The following CRTAC1 variants were observed in gnomAD, a reference collection of about 807,000 sequenced individuals.
The protein encoded by CRTAC1 is cartilage acidic protein 1.
In CRTAC1, 37 loss-of-function variants were observed where a neutral mutation model predicts 67.8. That is an observed-to-expected ratio of 0.55 (90% CI 0.42 to 0.72). The LOEUF is 0.72. CRTAC1 is among the 30% of genes least tolerant of loss of function. The pLI, the probability that CRTAC1 is intolerant of heterozygous loss-of-function variation, is 0.00. For synonymous variants in CRTAC1, 348 were observed against 371.0 expected (o/e 0.94, Z 0.71); for missense variants, 780 against 931.6 (o/e 0.84, Z 2.12).
intron 1 of CRTAC1, among the ~76,000 whole-genome samples, chr10:98,026,841 A>G (rs1273944619): frequency 6.6e-6 from 1 of 152,228 alleles, no homozygotes; most frequent in Non-Finnish European, 1.5e-5. Flanking sequence ...AAGGAGAACC[A>G]GGAGGAAGTC....
intron 5 of CRTAC1, among the ~76,000 whole-genome samples, chr10:97,908,986 G>A (rs1022677421): frequency 7.9e-5 from 12 of 152,198 alleles, no homozygotes; most frequent in African/African-American, 2.2e-4. Flanking sequence ...AAAGAGAAAC[G>A]ATAGTTGGCC....
In CRTAC1 at chr10:97,975,339, G is replaced by A. The variant is rs893045610; in HGVS notation, c.224+35799C>T. Among the ~76,000 whole-genome samples, 1 of 151,986 alleles carries A rather than the reference G, an allele frequency of 6.6e-6. No homozygotes were observed. Among genetic ancestry groups the A allele is most frequent in the African/African-American group, 2.4e-5 (1 of 41,390 alleles). On this transcript the variant is annotated intron_variant, in intron 2 of 14. Transcript: ENST00000370597. The surrounding 1 kb of genome is among the most constrained non-coding windows in gnomAD (Gnocchi z 4.8). ...AGGCGCCAGGGCCGGTTCCTGACCCGCCTCCTGGCTGGAGGGTTCAAAAGA... is the reference window on the plus strand; with the variant it reads ...AGGCGCCAGGGCCGGTTCCTGACCCACCTCCTGGCTGGAGGGTTCAAAAGA...
At chr10:97,881,628 G>A (rs1033417026) in intron 13 of CRTAC1, among the ~76,000 whole-genome samples, 1 of 151,804 alleles carries the variant, frequency 6.6e-6, no homozygotes, top group Non-Finnish European at 1.5e-5. Context: ...AGAGGAGGCT[G>A]ATCTCAAAGG....
At chr10:97,874,435 C>T (rs2050124194) in intron 14 of CRTAC1, among the ~76,000 whole-genome samples, 1 of 152,200 alleles carries the variant, frequency 6.6e-6, no homozygotes, top group Admixed American at 6.5e-5. Context: ...GAACATAGCA[C>T]AGCCCAGGCC....
At chr10:97,971,236 C>T (rs1322900094) in intron 2 of CRTAC1, among the ~76,000 whole-genome samples, 1 of 152,090 alleles carries the variant, frequency 6.6e-6, no homozygotes, top group African/African-American at 2.4e-5. Flanking sequence ...CTAGAGAGCT[C>T]AAGATTCAGA....
chr10:97,941,481 G>A (rs1242467409), intron 2 of CRTAC1, among the ~76,000 whole-genome samples: 3 of 151,962 alleles, frequency 2.0e-5, no homozygotes, highest in Non-Finnish European at 2.9e-5. Flanking sequence ...TCTCTGACTG[G>A]CTACCTGACA....
intron 5 of CRTAC1, among the ~76,000 whole-genome samples, chr10:97,912,069 C>A (rs933277882): frequency 2.6e-5 from 4 of 152,028 alleles, no homozygotes; most frequent in Non-Finnish European, 4.4e-5. Context: ...CATCACTGAA[C>A]CTTCCTGGGC....
At chr10:97,904,609 C>T (rs2050584089) in intron 7 of CRTAC1, 60 bp downstream of exon 7, 1 of 1,454,824 alleles carries the variant, frequency 6.9e-7, no homozygotes, top group Non-Finnish European at 9.1e-7. Flanking sequence ...TTAGTAGAGA[C>T]AGGGTTTTGC....
chr10:97,971,812 T>TA, intron 2 of CRTAC1, among the ~76,000 whole-genome samples: 1 of 152,320 alleles, frequency 6.6e-6, no homozygotes, highest in East Asian at 1.9e-4. Flanking sequence ...TATTACACCA[T>TA]ATCAATGTTT....
chr10:97,870,942 G>C (rs1353672751), intron 14 of CRTAC1: 2 of 152,282 alleles, frequency 1.3e-5, no homozygotes, highest in Non-Finnish European at 2.9e-5. Flanking sequence ...ATTCTCAAAG[G>C]GGTATGCAAC....
chr10:97,933,848 C>T (rs2051040679), intron 3 of CRTAC1, among the ~76,000 whole-genome samples: 1 of 152,216 alleles, frequency 6.6e-6, no homozygotes. Flanking sequence ...CAGGAATCGC[C>T]TGGAGGTCTT....
rs774242787 is a variant in CRTAC1 at position 97,865,755 on chromosome 10, C to A, written c.1820-41G>T. 2.7e-6 allele frequency: 4 copies of A among 1,467,756 alleles called. No individual in the cohort carries two copies. The Admixed American group carries it at 7.9e-5, about 29-fold the overall frequency. 90.9% of individuals were successfully genotyped at this position (1,467,756 alleles called of 1,614,324 possible). ...TGGCCGGAGTGAGGGCCTTGCAGAC[C>A]TGCGGCGGCTGCGCTACCAGAGCAC... On this transcript the variant is annotated intron_variant, in intron 14 of 14. Transcript: ENST00000370597.
At chr10:97,912,120 T>C (rs2050695391) in intron 5 of CRTAC1, among the ~76,000 whole-genome samples, 1 of 152,062 alleles carries the variant, frequency 6.6e-6, no homozygotes, top group Non-Finnish European at 1.5e-5. Flanking sequence ...ATAATAATAA[T>C]GGCTCCTTCT....
At chr10:98,005,098 A>ATTT (rs1347220699) in intron 2 of CRTAC1, among the ~76,000 whole-genome samples, 18 of 38,186 alleles carry the variant, frequency 4.7e-4, no homozygotes, top group South Asian at 9.5e-4. Flanking sequence ...ATATATATAT[A>ATTT]TATTTTTTTT....
intron 2 of CRTAC1, among the ~76,000 whole-genome samples, chr10:98,002,983 C>T (rs1483427485): frequency 3.3e-5 from 5 of 151,036 alleles, no homozygotes; most frequent in African/African-American, 1.2e-4. Flanking sequence ...CGGGGTTTCA[C>T]CATGTTAGCC....
rs550863764 is a variant in CRTAC1, at chr10:98,005,262, G to A, written c.224+5876C>T. Among the ~76,000 whole-genome samples, 7 of 150,480 alleles carry A rather than the reference G, an allele frequency of 4.7e-5. No individual in the cohort carries two copies. In the East Asian group the frequency reaches 1.4e-3, roughly 29 times the overall value. ...TGGGATTATAGGCACGTGCCACCACGCCTGGCTAATTTTTGTATTTTTAGT... is the reference window on the plus strand; with the variant it reads ...TGGGATTATAGGCACGTGCCACCACACCTGGCTAATTTTTGTATTTTTAGT... On this transcript the variant is annotated intron_variant, in intron 2 of 14. Transcript: ENST00000370597.
intron 11 of CRTAC1, among the ~76,000 whole-genome samples, chr10:97,892,506 C>G (rs920265597): frequency 2.6e-5 from 4 of 152,204 alleles, no homozygotes; most frequent in Non-Finnish European, 4.4e-5. Context: ...CAGACCGTGG[C>G]GTCAGGGAGG....
intron 4 of CRTAC1, among the ~76,000 whole-genome samples, chr10:97,921,961 G>A (rs749527090): frequency 2.0e-5 from 3 of 151,258 alleles, no homozygotes; most frequent in Non-Finnish European, 4.4e-5. Flanking sequence ...GCGTGGGTGT[G>A]CAGATGACCT....
Position 97,894,711 on chromosome 10 carries a change from CATATATATATATAT to C in CRTAC1, c.1486+520_1486+533del, listed in dbSNP as rs66795716. 3.9e-3 allele frequency among the ~76,000 whole-genome samples: 235 copies of C among 60,016 alleles called. 2 individuals carry two copies. The highest frequency in any genetic ancestry group is 4.9e-3 in the Non-Finnish European group (148 of 30,342). The allele number at this position is 60,016 out of a possible 152,430, so 39.4% of individuals were successfully genotyped here. A position where few individuals can be genotyped will look rare whatever the true frequency, so the allele number is the denominator to read the frequency against. The stretch of plus-strand genomic sequence containing the variant: ...CTGTGCCCAGCCCCTGATGCTTTTA[CATATATATATATAT>C]ATATATATATATATATATATATATA... On this transcript the variant is annotated intron_variant, in intron 11 of 14. Transcript: ENST00000370597.
Sources: allele counts gnomAD v4.1 joint callset (sites outside exome capture counted in the v4.1 genomes callset), GRCh38; gene constraint gnomAD v4.1.1; non-coding constraint Gnocchi (gnomAD v3.1); transcripts MANE v1.5; gene names NCBI Gene and HGNC (gene_info 2026-07-23, HGNC 2026-07-21).